Variants in FERMT3 observed in about 807,000 individuals in gnomAD.
FERMT3 encodes the protein fermitin family homolog 3.
In FERMT3, 33 loss-of-function variants were observed where a neutral mutation model predicts 80.8. That is an observed-to-expected ratio of 0.41 (90% CI 0.31 to 0.55). The LOEUF is 0.55. Among genes scored for constraint, FERMT3 ranks in the 20% least tolerant of loss-of-function variants. FERMT3 has a pLI of 0.31. For synonymous variants in FERMT3, 375 were observed against 372.2 expected, an observed-to-expected ratio of 1.01 and a Z score of -0.09; for missense variants, 754 against 908.7, an observed-to-expected ratio of 0.83 and a Z score of 2.19.
Position 64,223,339 on chromosome 11 carries a change from C to A in FERMT3, c.1839C>A (p.Ile613=), listed in dbSNP as rs1405688126. ...TGGCCATCGAGTTTGATGAACACAT[C>A]AATGTGGCCTTCAGCTGCGTGTCTG... ...RQVAIEFDEH[I]NVAFSCVSAS... Residue 613 remains isoleucine (I), a synonymous_variant, in exon 15 of 15, where the codon ATC becomes ATA. Coordinates refer to ENST00000345728, the MANE Select transcript of FERMT3 (RefSeq NM_031471.6). The A allele has an allele frequency of 6.2e-7, 1 of 1,614,082 alleles. No individual in the cohort carries two copies. Among genetic ancestry groups the A allele is most frequent in the Admixed American group, 1.7e-5 (1 of 60,028 alleles).
At position 64,210,491 on chromosome 11, in the gene FERMT3, C is replaced by T; in HGVS notation, c.161-120C>T. ...CCCCAGGCCCGCCCAGGCTGCCCCA[C>T]TCTTGGCTTAGGCAGGGCAGGGGAG... On this transcript the variant is annotated intron_variant, in intron 2 of 14. Transcript: ENST00000345728. This position sits in a 1 kb window ranked among gnomAD's most constrained non-coding sequence, Gnocchi z 4.3. The T allele has an allele frequency of 1.9e-6, 2 of 1,038,664 alleles. No homozygotes were observed. Among genetic ancestry groups the T allele is most frequent in the Admixed American group, 3.8e-5 (2 of 52,772 alleles). The allele number at this position is 1,038,664 out of a possible 1,614,324, so 64.3% of individuals were successfully genotyped here.
Position 64,219,157 on chromosome 11 carries a change from A to C in FERMT3, c.787-94A>C. ...TCTGCCTCAGCAAGGAGGGCAGGGC[A>C]GAGGGCCAAGGCTGGCAGGGGCTCA... is the stretch of plus-strand genomic sequence containing the variant. On this transcript the variant is annotated intron_variant, in intron 6 of 14. Transcript: ENST00000345728. The surrounding 1 kb of genome is among the most constrained non-coding windows in gnomAD (Gnocchi z 4.0). 1 of 1,212,842 alleles carries C rather than the reference A, an allele frequency of 8.2e-7. No homozygotes were observed. The highest frequency in any genetic ancestry group is 1.5e-5 in the African/African-American group (1 of 66,742). The allele number at this position is 1,212,842 out of a possible 1,614,324, so 75.1% of individuals were successfully genotyped here.
chr11:64,206,099 C>T (rs1555044680), upstream of FERMT3, among the ~76,000 whole-genome samples: 1 of 152,108 alleles, frequency 6.6e-6, no homozygotes, highest in Non-Finnish European at 1.5e-5. Context: ...AAGTGGAGCA[C>T]AGTGGAGGGG....
At chr11:64,221,520 A>G (rs1826922772) in intron 13 of FERMT3, among the ~76,000 whole-genome samples, 1 of 152,058 alleles carries the variant, frequency 6.6e-6, no homozygotes, top group African/African-American at 2.4e-5. Flanking sequence ...TAGTCCAGCT[A>G]CTCAGGAGGC....
chr11:64,221,240 C>T, intron 13 of FERMT3, 100 bp downstream of exon 13: 1 of 1,256,136 alleles, frequency 8.0e-7, no homozygotes, highest in Non-Finnish European at 1.1e-6. Flanking sequence ...TCTGGACAGG[C>T]ACCCCAAAGA....
rs756907795 is a variant in FERMT3 at position 64,223,207 on chromosome 11, G to A, written c.1812+18G>A. The A allele has an allele frequency of 6.2e-7, 1 of 1,613,660 alleles. No homozygotes were observed. The highest frequency in any genetic ancestry group is 8.5e-7 in the Non-Finnish European group (1 of 1,180,034). On this transcript the variant is annotated intron_variant, in intron 14 of 14. Transcript: ENST00000345728. ...TCCGGCAGGTGGGCCCAGACCCAGG[G>A]TATATGGATGGGGGACAGGTGCAGG...
In FERMT3 at chr11:64,223,875, TTTA is replaced by T; in HGVS notation, c.*386_*388del. On this transcript the variant is annotated 3_prime_UTR_variant, in exon 15 of 15. Transcript: ENST00000345728. ...AAATTTCTTTTTTATAAATTAATAT[TTTA>T]TTGTTGGATCCTCCTCCTTTCTCTG... 1.3e-6 allele frequency: 2 copies of T among 1,577,340 alleles called. No homozygotes were observed. Among genetic ancestry groups the T allele is most frequent in the Non-Finnish European group, 1.7e-6 (2 of 1,161,264 alleles).
At chr11:64,206,354 C>T (rs1303095809), upstream of FERMT3, among the ~76,000 whole-genome samples, 10 of 152,170 alleles carry the variant, frequency 6.6e-5, no homozygotes, top group Admixed American at 2.0e-4. Context: ...TACACTCTGT[C>T]GACTCCTGGG....
rs775824751 is a variant in FERMT3 at position 64,211,182 on chromosome 11, G to T, written c.514+11G>T. 1 of 1,548,554 alleles carries T rather than the reference G, an allele frequency of 6.5e-7. No individual in the cohort carries two copies. Among genetic ancestry groups the T allele is most frequent in the Non-Finnish European group, 8.7e-7 (1 of 1,144,582 alleles). On this transcript the variant is annotated intron_variant, in intron 4 of 14. Coordinates refer to ENST00000345728, the MANE Select transcript of FERMT3 (RefSeq NM_031471.6). The surrounding 1 kb of genome is among the most constrained non-coding windows in gnomAD (Gnocchi z 4.7). ...TTGTCTTGGCTGGGGGTGAGTGCAA[G>T]TGGGGGTGGGCCTGGGGGGTTGGGG... is the stretch of plus-strand genomic sequence containing the variant.
In FERMT3 at chr11:64,220,439, C is replaced by G. The variant is rs754553709; in HGVS notation, c.1315C>G (p.Gln439Glu). The G allele has an allele frequency of 6.2e-7, 1 of 1,611,146 alleles. No individual in the cohort carries two copies. The highest frequency in any genetic ancestry group is 2.2e-5 in the East Asian group (1 of 44,866). ...CCCCCTCACCCCTCTCGCCCAGGAG[C>G]AGCAGTATGCCCGCTGGATGGCTGG... is the stretch of plus-strand genomic sequence containing the variant. The part of the protein sequence containing the change: ...SEIYLRCQDE[Q>E]QYARWMAGCR... The change falls in exon 12 of 15, where the codon CAG becomes GAG. Residue 439 changes from glutamine to glutamate, a missense_variant. Physicochemically the swap from Gln to Glu is conservative, Grantham distance 29. Transcript: ENST00000345728.
Position 64,223,144 on chromosome 11 carries a change from T to C in FERMT3, c.1767T>C (p.Arg589=). 2 of 1,613,896 alleles carry C rather than the reference T, an allele frequency of 1.2e-6. No homozygotes were observed. Among genetic ancestry groups the C allele is most frequent in the Non-Finnish European group, 8.5e-7 (1 of 1,180,038 alleles). Residue 589 remains arginine, a synonymous_variant, in exon 14 of 15, where the codon CGT becomes CGC. Coordinates refer to ENST00000345728, the MANE Select transcript of FERMT3 (RefSeq NM_031471.6). ...LAVGDVVKTW[R]FSNMRQWNVN... is the part of the protein sequence containing the mutation. ...TGGGCGACGTGGTCAAGACCTGGCG[T>C]TTCAGCAACATGCGCCAGTGGAATG...
chr11:64,214,321 C>T (rs1946506831), intron 6 of FERMT3, among the ~76,000 whole-genome samples: 1 of 151,970 alleles, frequency 6.6e-6, no homozygotes, highest in Admixed American at 6.6e-5. Flanking sequence ...GCACGCGCCA[C>T]CATGCCCAGC....
At chr11:64,221,732 GC>G (rs1946684704) in intron 13 of FERMT3, among the ~76,000 whole-genome samples, 1 of 151,406 alleles carries the variant, frequency 6.6e-6, no homozygotes, top group African/African-American at 2.4e-5. Flanking sequence ...TTCAAGAGCA[GC>G]CTGGCCAACA....
intron 2 of FERMT3, 156 bp downstream of exon 2, chr11:64,207,680 T>G: frequency 1.2e-6 from 1 of 860,188 alleles, no homozygotes; most frequent in Non-Finnish European, 1.7e-6. Flanking sequence ...AAAAAGACAT[T>G]TCCCCAACTT....
chr11:64,211,506 C>T lies in FERMT3; in HGVS notation c.683+63C>T, dbSNP rs970154936. The T allele has an allele frequency of 3.8e-5, 57 of 1,516,432 alleles. No homozygotes were observed. Among genetic ancestry groups the T allele is most frequent in the Non-Finnish European group, 4.8e-5 (54 of 1,131,412 alleles). The allele number at this position is 1,516,432 out of a possible 1,614,324, so 93.9% of individuals were successfully genotyped here. On this transcript the variant is annotated intron_variant, in intron 5 of 14. Transcript: ENST00000345728. This position sits in a 1 kb window ranked among gnomAD's most constrained non-coding sequence, Gnocchi z 4.7. ...CCCACCCAGGATCCACCCCCTGTCC[C>T]GTGTCTGTGCCCACCCCAGATCCAC...
chr11:64,220,472 C>G lies in FERMT3; in HGVS notation c.1348C>G (p.Leu450Val). 1 of 1,609,976 alleles carries G rather than the reference C, an allele frequency of 6.2e-7. No individual in the cohort carries two copies. The change falls in exon 12 of 15, where the codon CTG becomes GTG. Residue 450 changes from leucine (L) to valine (V), a missense_variant. Leu to Val is a conservative substitution (Grantham distance 32). Transcript: ENST00000345728. ...QYARWMAGCR[L>V]ASKGRTMADS... ...TGCCCGCTGGATGGCTGGCTGCCGC[C>G]TGGCCTCCAAAGGCCGCACCATGGC... is the stretch of plus-strand genomic sequence containing the variant.
At chr11:64,216,656 C>T (rs1296045067) in intron 6 of FERMT3, among the ~76,000 whole-genome samples, 7 of 150,898 alleles carry the variant, frequency 4.6e-5, no homozygotes, top group Middle Eastern at 3.4e-3. Context: ...ATTAGCCGGG[C>T]GTGGTGGTGG....
In FERMT3 at chr11:64,219,414, C is replaced by T; in HGVS notation, c.894+56C>T. The T allele has an allele frequency of 6.4e-7, 1 of 1,563,094 alleles. No individual in the cohort carries two copies. Among genetic ancestry groups the T allele is most frequent in the Non-Finnish European group, 8.7e-7 (1 of 1,154,046 alleles). On this transcript the variant is annotated intron_variant, in intron 7 of 14. Transcript: ENST00000345728. The surrounding 1 kb of genome is among the most constrained non-coding windows in gnomAD (Gnocchi z 4.0). ...GGTGGGAGGTGAGCCAGTCCCAGGG[C>T]AGGAAGGGCCTTCCTGAGTGGGGGC...
intron 6 of FERMT3, among the ~76,000 whole-genome samples, chr11:64,214,875 C>G (rs1434711415): frequency 6.7e-6 from 1 of 148,530 alleles, no homozygotes; most frequent in African/African-American, 2.5e-5. Context: ...TGATCTCGGC[C>G]CACTGCAACC....
Sources: allele counts gnomAD v4.1 joint callset (sites outside exome capture counted in the v4.1 genomes callset), GRCh38; gene constraint gnomAD v4.1.1; non-coding constraint Gnocchi (gnomAD v3.1); transcripts MANE v1.5; gene names NCBI Gene and HGNC (gene_info 2026-07-23, HGNC 2026-07-21).